Variants in TTC12 observed in about 807,000 individuals in gnomAD.
TTC12 encodes the protein tetratricopeptide repeat protein 12.
In TTC12, 70 loss-of-function variants were observed where a neutral mutation model predicts 90.1. The ratio of observed to expected loss-of-function variants is 0.78; its 90% CI spans 0.64 to 0.95. The LOEUF (loss-of-function observed/expected upper bound fraction) is 0.95, where lower values mean the gene tolerates loss of function less well. Among genes scored for constraint, TTC12 ranks in the 40% least tolerant of loss-of-function variants. TTC12 has a pLI of 0.00. For missense variants in TTC12, 819 were observed against 846.1 expected (o/e 0.97, Z 0.40); for synonymous variants, 296 against 311.5 (o/e 0.95, Z 0.53).
At position 113,365,082 on chromosome 11, in the gene TTC12, A is replaced by C. The variant is rs1367696440; in HGVS notation, c.2042+22A>C. 3 of 1,605,782 alleles carry C rather than the reference A, an allele frequency of 1.9e-6. No individual in the cohort carries two copies. The Admixed American group carries it at 5.0e-5, about 27-fold the overall frequency. On this transcript the variant is annotated intron_variant, in intron 21 of 21. Transcript: ENST00000529221. Reference sequence around the variant, plus strand: ...CCAGGTATGCTGTGGACACGGAGCCAGGCTGACCTATTGCAGAAAGAGCAG... The same window carrying C: ...CCAGGTATGCTGTGGACACGGAGCCCGGCTGACCTATTGCAGAAAGAGCAG...
intron 18 of TTC12, 68 bp from the exon 19 acceptor site, chr11:113,362,333 G>A (rs536498241): frequency 3.6e-5 from 44 of 1,231,528 alleles, no homozygotes; most frequent in Non-Finnish European, 4.0e-5. Context: ...CAAACTCCCC[G>A]TTAGCTTTTA....
At chr11:113,338,565 T>C (rs892822466) in intron 8 of TTC12, among the ~76,000 whole-genome samples, 1 of 152,162 alleles carries the variant, frequency 6.6e-6, no homozygotes, top group African/African-American at 2.4e-5. Flanking sequence ...TAAAACTAAT[T>C]TTGAAATAAT....
chr11:113,357,888 A>G (rs533907256), intron 16 of TTC12, among the ~76,000 whole-genome samples: 27 of 152,346 alleles, frequency 1.8e-4, no homozygotes, highest in African/African-American at 6.0e-4. Flanking sequence ...TGTGGTGACA[A>G]TGGGACCTTA....
intron 8 of TTC12, among the ~76,000 whole-genome samples, 162 bp downstream of exon 8, chr11:113,335,199 G>A (rs1480870431): frequency 6.6e-6 from 1 of 152,066 alleles, no homozygotes; most frequent in African/African-American, 2.4e-5. Context: ...AGAATTTTGG[G>A]TGTCAGTTAG....
intron 16 of TTC12, among the ~76,000 whole-genome samples, chr11:113,357,568 G>A (rs1158968003): frequency 6.6e-6 from 1 of 152,128 alleles, no homozygotes; most frequent in East Asian, 1.9e-4. Flanking sequence ...TTTCTCTACT[G>A]TCAATCTTTG....
chr11:113,351,967 G>C, intron 15 of TTC12, 103 bp from the exon 16 acceptor site: 1 of 1,337,678 alleles, frequency 7.5e-7, no homozygotes, highest in Non-Finnish European at 1.0e-6. Flanking sequence ...GAAGCTATCT[G>C]GTTGGTTCGT....
intron 3 of TTC12, 30 bp downstream of exon 3, chr11:113,323,481 G>A (rs782198100): frequency 2.3e-5 from 34 of 1,481,720 alleles, no homozygotes; most frequent in Non-Finnish European, 3.0e-5. Context: ...AGTTATATAA[G>A]TACTTACAGT....
rs758136468 is a variant in TTC12, at chr11:113,366,283, T to C, written c.2101T>C (p.Tyr701His). The C allele has an allele frequency of 1.2e-6, 2 of 1,613,768 alleles. No individual in the cohort carries two copies. Among genetic ancestry groups the C allele is most frequent in the South Asian group, 2.2e-5 (2 of 91,084 alleles). ...GLEILNSTMKYISDS is the reference protein window; with the variant it reads ...GLEILNSTMKHISDS ...AGAAATTCTCAACTCTACGATGAAA[T>C]ACATCAGTGATTCTTGAGAGAGACA... is the stretch of plus-strand genomic sequence containing the variant. Residue 701 changes from tyrosine (Y) to histidine (H), a missense_variant, in exon 22 of 22, where the codon TAC becomes CAC. Tyr to His is a moderately conservative substitution (Grantham distance 83). Transcript: ENST00000529221.
At chr11:113,368,393 A>T, downstream of TTC12, 1 of 1,548,544 alleles carries the variant, frequency 6.5e-7, no homozygotes, top group Middle Eastern at 1.7e-4. Context: ...TACCAGCGCC[A>T]TCTTTCAGAA....
At chr11:113,365,143 T>C (rs928438810) in intron 21 of TTC12, 83 bp downstream of exon 21, 1 of 1,225,444 alleles carries the variant, frequency 8.2e-7, no homozygotes, top group African/African-American at 1.5e-5. Flanking sequence ...TGGGACTGCA[T>C]GCCACACAGA....
downstream of TTC12, among the ~76,000 whole-genome samples, chr11:113,367,617 A>G (rs1950255338): frequency 6.6e-6 from 1 of 152,240 alleles, no homozygotes; most frequent in South Asian, 2.1e-4. Context: ...GGGAGATGTT[A>G]TTCAACACAC....
rs370186532 is a variant in TTC12, at chr11:113,358,003, C to T, written c.1447-1360C>T. 2.6e-5 allele frequency among the ~76,000 whole-genome samples: 4 copies of T among 152,324 alleles called. No homozygotes were observed. In the East Asian group the frequency reaches 5.8e-4, roughly 22 times the overall value. On this transcript the variant is annotated intron_variant, in intron 16 of 21. Coordinates refer to ENST00000529221, the MANE Select transcript of TTC12 (RefSeq NM_017868.4). ...GTGTTTGCCACAATGGCAGAGGCAA[C>T]GCAGCTGGGGGAGAGGGTCCCTGCT...
At chr11:113,349,956 T>C (rs1432423610) in intron 13 of TTC12, 117 bp from the exon 14 acceptor site, 3 of 811,350 alleles carry the variant, frequency 3.7e-6, no homozygotes, top group Admixed American at 1.9e-5. Context: ...CAAGGCACCC[T>C]TTCTGCTTAT....
chr11:113,325,802 T>C, intron 6 of TTC12, 157 bp downstream of exon 6: 1 of 890,330 alleles, frequency 1.1e-6, no homozygotes, highest in Non-Finnish European at 1.7e-6. Flanking sequence ...ACACAGCATT[T>C]ACCAGTTTCC....
At chr11:113,316,757 A>G (rs782742791) in intron 2 of TTC12, among the ~76,000 whole-genome samples, 9 of 152,234 alleles carry the variant, frequency 5.9e-5, no homozygotes, top group Non-Finnish European at 1.3e-4. Context: ...ATCAAATTAC[A>G]TGGATGGTTT....
At chr11:113,358,797 G>A (rs927059798) in intron 16 of TTC12, among the ~76,000 whole-genome samples, 1 of 152,122 alleles carries the variant, frequency 6.6e-6, no homozygotes, top group African/African-American at 2.4e-5. Flanking sequence ...GGGTTCCAGA[G>A]GCCTATGATG....
chr11:113,330,349 G>A (rs1396028118), intron 7 of TTC12, among the ~76,000 whole-genome samples: 1 of 152,076 alleles, frequency 6.6e-6, no homozygotes, highest in Non-Finnish European at 1.5e-5. Flanking sequence ...GTCAGTTTGT[G>A]TTTTTTCCCT....
At chr11:113,366,121 C>G in intron 21 of TTC12, 104 bp from the exon 22 acceptor site, 1 of 1,257,220 alleles carries the variant, frequency 8.0e-7, no homozygotes, top group South Asian at 1.2e-5. Flanking sequence ...AGTGATAGGA[C>G]TGACGTTCTC....
chr11:113,317,035 A>T (rs1462391203), intron 2 of TTC12, among the ~76,000 whole-genome samples: 1 of 152,222 alleles, frequency 6.6e-6, no homozygotes, highest in African/African-American at 2.4e-5. Flanking sequence ...TTTTAAAGCT[A>T]GCTTGGGTGA....
Sources: allele counts gnomAD v4.1 joint callset (sites outside exome capture counted in the v4.1 genomes callset), GRCh38; gene constraint gnomAD v4.1.1; transcripts MANE v1.5; gene names NCBI Gene and HGNC (gene_info 2026-07-23, HGNC 2026-07-21).